Variants in ANO4 observed in about 807,000 individuals in gnomAD.
ANO4 encodes the protein anoctamin-4.
In ANO4, 69 loss-of-function variants were observed where a neutral mutation model predicts 141.9. The ratio of observed to expected loss-of-function variants is 0.49; its 90% CI spans 0.40 to 0.59. ANO4 has a LOEUF of 0.59. Ranked by LOEUF, ANO4 falls within the 20% of genes least tolerant of loss-of-function variation. ANO4 has a pLI of 0.00. For synonymous variants in ANO4, 350 were observed against 394.3 expected (o/e 0.89, Z 1.33); for missense variants, 894 against 1,162.2 (o/e 0.77, Z 3.36).
intron 14 of ANO4, chr12:101,066,997 C>CAAAAAAAAAAAA (rs34416390): frequency 1.2e-4 from 22 of 181,468 alleles, no homozygotes; most frequent in Admixed American, 1.7e-4. Context: ...TAAAGTATAA[C>CAAAAAAAAAAAA]AAAAAAAAAA....
At chr12:101,075,717 A>AGC (rs1555295208) in intron 14 of ANO4, among the ~76,000 whole-genome samples, 2 of 8,616 alleles carry the variant, frequency 2.3e-4, no homozygotes, top group African/African-American at 6.0e-3. Flanking sequence ...TATAAAACAA[A>AGC]TATATATATC....
intron 14 of ANO4, 36 bp downstream of exon 14, chr12:101,048,437 T>A (rs775366124): frequency 3.1e-5 from 49 of 1,563,682 alleles, no homozygotes; most frequent in Non-Finnish European, 4.2e-5. Context: ...TGAGTTTTCC[T>A]CATATGCCCT....
At chr12:101,112,089 A>G (rs2050685488) in intron 24 of ANO4, among the ~76,000 whole-genome samples, 1 of 152,192 alleles carries the variant, frequency 6.6e-6, no homozygotes, top group African/African-American at 2.4e-5. Context: ...TCATTTTATG[A>G]GTTTGCAAAA....
intron 1 of ANO4, among the ~76,000 whole-genome samples, chr12:100,841,743 A>C (rs1217992373): frequency 6.6e-6 from 1 of 152,182 alleles, no homozygotes; most frequent in Non-Finnish European, 1.5e-5. Context: ...TATAAGACAT[A>C]CTAGCCTTTC....
intron 1 of ANO4, among the ~76,000 whole-genome samples, chr12:100,891,461 G>A (rs542860096): frequency 5.3e-4 from 81 of 152,202 alleles, no homozygotes; most frequent in Non-Finnish European, 8.2e-4. Context: ...GGTTCCTGTC[G>A]CACTGTATTC....
At chr12:100,885,085 A>T (rs961230528) in intron 1 of ANO4, among the ~76,000 whole-genome samples, 3 of 152,178 alleles carry the variant, frequency 2.0e-5, no homozygotes, top group Admixed American at 2.0e-4. Flanking sequence ...TGTCTCTCTG[A>T]TCCAAGCCAC....
At chr12:101,089,585 G>A (rs539561199) in intron 17 of ANO4, among the ~76,000 whole-genome samples, 84 of 152,270 alleles carry the variant, frequency 5.5e-4, no homozygotes, top group African/African-American at 1.9e-3. Context: ...CCATTAGGAT[G>A]CAATGAATTA....
chr12:100,952,572 A>G (rs1211200317), intron 5 of ANO4, among the ~76,000 whole-genome samples: 1 of 152,158 alleles, frequency 6.6e-6, no homozygotes, highest in East Asian at 1.9e-4. Flanking sequence ...GGTAGATGGC[A>G]AGAGATATAA....
rs2051357594 is a variant in ANO4, at chr12:101,127,223, T to C, written c.*4+149T>C. The stretch of plus-strand genomic sequence containing the variant: ...CCCAATCCAAAAGAAGCTTGTTTTT[T>C]ACTTTAATCGTTGCAAATTTTGCTT... On this transcript the variant is annotated intron_variant, in intron 27 of 27. Transcript: ENST00000392977. 5.5e-6 allele frequency: 5 copies of C among 911,932 alleles called. No individual in the cohort carries two copies. In the South Asian group the frequency reaches 9.7e-5, roughly 18 times the overall value. 56.5% of individuals were successfully genotyped at this position (911,932 alleles called of 1,614,324 possible). A position where few individuals can be genotyped will look rare whatever the true frequency, so the allele number is the denominator to read the frequency against.
intron 1 of ANO4, among the ~76,000 whole-genome samples, chr12:100,889,171 A>T (rs1220817242): frequency 1.3e-5 from 2 of 151,572 alleles, no homozygotes; most frequent in African/African-American, 2.4e-5. Context: ...GAGAATGATG[A>T]TTTCCGATTT....
intron 26 of ANO4, among the ~76,000 whole-genome samples, chr12:101,124,298 C>A (rs1291230836): frequency 2.0e-5 from 3 of 151,990 alleles, no homozygotes; most frequent in African/African-American, 7.3e-5. Flanking sequence ...GTCTTTTGCC[C>A]ACTTTTTAAT....
In ANO4 at chr12:101,120,568, C is replaced by T. The variant is rs750630867; in HGVS notation, c.2619C>T (p.Tyr873=). 1.2e-6 allele frequency: 2 copies of T among 1,614,048 alleles called. No individual in the cohort carries two copies. Among genetic ancestry groups the T allele is most frequent in the Admixed American group, 1.7e-5 (1 of 59,992 alleles). ...CTCATTCACTGGTGCCCTATGGCTA[C>T]ACACTGCAGTTTTGGCATGTCCTAG... is the stretch of plus-strand genomic sequence containing the variant. ...DPPHSLVPYG[Y]TLQFWHVLAA... Residue 873 remains tyrosine, a synonymous_variant, in exon 26 of 28, where the codon TAC becomes TAT. Transcript: ENST00000392977.
In ANO4 at chr12:100,955,140, A is replaced by T. The variant is rs370104653; in HGVS notation, c.456+12605A>T. Among the ~76,000 whole-genome samples the T allele has an allele frequency of 7.9e-5, 12 of 152,310 alleles. No individual in the cohort carries two copies. In the South Asian group the frequency reaches 2.5e-3, roughly 32 times the overall value. On this transcript the variant is annotated intron_variant, in intron 5 of 27. Transcript: ENST00000392977. ...CCAGGCACTGGAGAATAAAAAATAA[A>T]TGTTCTAGTTATCTATTATTGTATA...
chr12:100,762,401 T>C (rs1419537510), intron 3 of ANO4, among the ~76,000 whole-genome samples: 1 of 152,156 alleles, frequency 6.6e-6, no homozygotes, highest in Non-Finnish European at 1.5e-5. Context: ...GAGCAACCAC[T>C]GATATGTGCT....
chr12:100,772,875 T>C (rs2033358365), intron 3 of ANO4, among the ~76,000 whole-genome samples: 1 of 152,222 alleles, frequency 6.6e-6, no homozygotes, highest in South Asian at 2.1e-4. Context: ...CACTTGTATA[T>C]GCACTATCCA....
intron 1 of ANO4, among the ~76,000 whole-genome samples, chr12:100,860,341 C>T (rs1383738791): frequency 1.3e-5 from 2 of 152,164 alleles, no homozygotes; most frequent in Non-Finnish European, 2.9e-5. Context: ...GGTTTTAAAA[C>T]TGCCTAATAC....
intron 14 of ANO4, among the ~76,000 whole-genome samples, chr12:101,060,372 G>T (rs2048298688): frequency 6.6e-6 from 1 of 152,216 alleles, no homozygotes. Context: ...TTGCAGTGGG[G>T]AGTTCTGTAG....
At chr12:100,976,783 C>A (rs1378521066) in intron 7 of ANO4, among the ~76,000 whole-genome samples, 2 of 152,156 alleles carry the variant, frequency 1.3e-5, no homozygotes, top group Non-Finnish European at 2.9e-5. Context: ...CAAAGAAAAC[C>A]TGAAGGAAAC....
chr12:100,757,894 A>G (rs2032683301), intron 3 of ANO4, among the ~76,000 whole-genome samples: 2 of 151,970 alleles, frequency 1.3e-5, no homozygotes, highest in Admixed American at 1.3e-4. Flanking sequence ...ATCTATGTCT[A>G]TTTTACTCTT....
Sources: allele counts gnomAD v4.1 joint callset (sites outside exome capture counted in the v4.1 genomes callset), GRCh38; gene constraint gnomAD v4.1.1; transcripts MANE v1.5; gene names NCBI Gene and HGNC (gene_info 2026-07-23, HGNC 2026-07-21).